ATP2C1: variants seen among roughly 807,000 people sequenced by gnomAD.
ATP2C1 encodes the protein ATPase secretory pathway Ca2+ transporting 1, also known as calcium-transporting ATPase type 2C member 1.
In ATP2C1, 31 loss-of-function variants were observed where a neutral mutation model predicts 120.5. The observed-to-expected ratio is 0.26, with a 90% CI of 0.19 to 0.35. ATP2C1 has a LOEUF of 0.35. Ranked by LOEUF, ATP2C1 falls within the 10% of genes least tolerant of loss-of-function variation. The probability of loss-of-function intolerance (pLI) is 1.00; values close to 1 mark genes in which losing one functional copy is unlikely to be tolerated. For missense variants in ATP2C1, 731 were observed against 1,107.5 expected (o/e 0.66, Z 4.83); for synonymous variants, 351 against 358.7 (o/e 0.98, Z 0.24).
chr3:130,867,657 C>A (rs2068233006), intron 1 of ATP2C1, among the ~76,000 whole-genome samples: 1 of 151,596 alleles, frequency 6.6e-6, no homozygotes, highest in South Asian at 2.1e-4. Flanking sequence ...CACCTCCCAG[C>A]CGCCTGCCTT....
intron 8 of ATP2C1, among the ~76,000 whole-genome samples, chr3:130,943,360 G>A (rs1312326818): frequency 2.0e-5 from 3 of 152,008 alleles, no homozygotes; most frequent in Non-Finnish European, 2.9e-5. Context: ...GATTACAGGT[G>A]CCTGCCACCA....
intron 26 of ATP2C1, chr3:131,013,882 A>G: frequency 1.9e-6 from 1 of 529,216 alleles, no homozygotes; most frequent in Non-Finnish European, 3.3e-6. Flanking sequence ...AGCTTCTTAA[A>G]TCAGGTTGTA....
chr3:130,994,853 T>G (rs2062529939), intron 22 of ATP2C1, among the ~76,000 whole-genome samples: 2 of 152,146 alleles, frequency 1.3e-5, no homozygotes, highest in Non-Finnish European at 1.5e-5. Flanking sequence ...TATAGAAATC[T>G]TAGAAGAAAT....
chr3:130,946,239 T>C (rs1351883654), intron 8 of ATP2C1, among the ~76,000 whole-genome samples: 1 of 152,240 alleles, frequency 6.6e-6, no homozygotes, highest in Non-Finnish European at 1.5e-5. Flanking sequence ...AGTTAGGGTC[T>C]AACTGGGGCC....
chr3:130,868,663 G>C (rs1576549555), intron 1 of ATP2C1: 1 of 15,348 alleles, frequency 6.5e-5, no homozygotes, highest in East Asian at 8.5e-4. Flanking sequence ...CGCCCCGTCC[G>C]GGAGGGAGGT....
At chr3:130,990,014 G>C (rs570635130) in intron 20 of ATP2C1, among the ~76,000 whole-genome samples, 1 of 152,208 alleles carries the variant, frequency 6.6e-6, no homozygotes, top group South Asian at 2.1e-4. Context: ...CATGATATTT[G>C]GATTGCCTAG....
At chr3:130,918,325 CAGG>C (rs1246094031) in intron 2 of ATP2C1, 1 of 1,564,220 alleles carries the variant, frequency 6.4e-7, no homozygotes, top group Non-Finnish European at 8.8e-7. Context: ...CTTTTTCAGT[CAGG>C]AGTTGTTGAT....
At chr3:130,969,501 G>T in intron 17 of ATP2C1, 105 bp downstream of exon 17, 2 of 845,204 alleles carry the variant, frequency 2.4e-6, no homozygotes, top group South Asian at 2.9e-5. Context: ...ATAAAGACTT[G>T]TTGCTTTAAA....
At chr3:130,859,202 T>C (rs1314470389) in intron 1 of ATP2C1, among the ~76,000 whole-genome samples, 1 of 152,198 alleles carries the variant, frequency 6.6e-6, no homozygotes, top group African/African-American at 2.4e-5. Context: ...CCGTTTTATT[T>C]GGTTAGTGGT....
intron 2 of ATP2C1, among the ~76,000 whole-genome samples, chr3:130,902,213 C>G (rs1403918127): frequency 6.7e-6 from 1 of 150,170 alleles, no homozygotes; most frequent in Non-Finnish European, 1.5e-5. Flanking sequence ...CCTAATTTCC[C>G]TTACCTTACT....
At chr3:130,968,266 T>C (rs2061142887) in intron 16 of ATP2C1, among the ~76,000 whole-genome samples, 1 of 152,220 alleles carries the variant, frequency 6.6e-6, no homozygotes, top group Admixed American at 6.5e-5. Context: ...AAGTATTTCC[T>C]GTGTTATGCT....
chr3:130,883,848 T>C (rs1326583436), intron 1 of ATP2C1, among the ~76,000 whole-genome samples: 8 of 152,038 alleles, frequency 5.3e-5, no homozygotes, highest in Non-Finnish European at 1.2e-4. Flanking sequence ...GTATCTGATA[T>C]GTTTTGGTAT....
At chr3:130,895,262 C>G (rs2069503749) in intron 2 of ATP2C1, among the ~76,000 whole-genome samples, 1 of 151,588 alleles carries the variant, frequency 6.6e-6, no homozygotes, top group Non-Finnish European at 1.5e-5. Context: ...TTTCAATTCA[C>G]AAAAAAAACC....
At chr3:130,972,515 C>A (rs1383517863) in intron 17 of ATP2C1, among the ~76,000 whole-genome samples, 2 of 149,928 alleles carry the variant, frequency 1.3e-5, no homozygotes, top group Non-Finnish European at 3.0e-5. Context: ...GGTACATGTG[C>A]ACAATGTGCC....
Position 130,971,239 on chromosome 3 carries a change from T to A in ATP2C1, c.1413+1843T>A, listed in dbSNP as rs541685646. ...TAATAATTTTACTTTTCAGGAACTT[T>A]TAATGTAATCTACCAAAGTTTTACA... On this transcript the variant is annotated intron_variant, in intron 17 of 27. Transcript: ENST00000510168. Among the ~76,000 whole-genome samples the A allele has an allele frequency of 2.0e-5, 3 of 152,334 alleles. No homozygotes were observed. The South Asian group carries it at 6.2e-4, about 32-fold the overall frequency.
intron 1 of ATP2C1, among the ~76,000 whole-genome samples, chr3:130,862,824 C>A (rs1206887643): frequency 9.9e-5 from 15 of 152,246 alleles, no homozygotes; most frequent in Non-Finnish European, 5.9e-5. Flanking sequence ...TCTCAACTTT[C>A]TTTGAGCCAG....
chr3:130,970,174 C>T (rs544894629), intron 17 of ATP2C1, among the ~76,000 whole-genome samples: 1 of 152,086 alleles, frequency 6.6e-6, no homozygotes, highest in Non-Finnish European at 1.5e-5. Flanking sequence ...AAAAATTAGC[C>T]AGGTGTGGTG....
At chr3:130,910,227 C>T (rs1406097702) in intron 2 of ATP2C1, among the ~76,000 whole-genome samples, 1 of 151,112 alleles carries the variant, frequency 6.6e-6, no homozygotes, top group Non-Finnish European at 1.5e-5. Context: ...TGGGAGTTCA[C>T]TCATGATTTG....
intron 2 of ATP2C1, among the ~76,000 whole-genome samples, chr3:130,921,599 C>T (rs2058969612): frequency 6.6e-6 from 1 of 152,100 alleles, no homozygotes; most frequent in Non-Finnish European, 1.5e-5. Flanking sequence ...TTTTCATATA[C>T]AGTCTTTATT....
Sources: allele counts gnomAD v4.1 joint callset (sites outside exome capture counted in the v4.1 genomes callset), GRCh38; gene constraint gnomAD v4.1.1; transcripts MANE v1.5; gene names NCBI Gene and HGNC (gene_info 2026-07-23, HGNC 2026-07-21).